The following ITFG1 variants were observed in gnomAD, a reference collection of about 807,000 sequenced individuals.
The protein encoded by ITFG1 is T-cell immunomodulatory protein.
ITFG1 carries 34 observed loss-of-function variants against 81.8 expected under a neutral mutation model. That is an observed-to-expected ratio of 0.42 (90% CI 0.32 to 0.55). The LOEUF (loss-of-function observed/expected upper bound fraction) is 0.55, where lower values mean the gene tolerates loss of function less well. ITFG1 is among the 20% of genes least tolerant of loss of function. The pLI, the probability that ITFG1 is intolerant of heterozygous loss-of-function variation, is 0.17. For synonymous variants in ITFG1, 285 were observed against 270.6 expected (o/e 1.05, Z -0.52); for missense variants, 672 against 755.4 (o/e 0.89, Z 1.29).
chr16:47,444,690 A>G (rs1263471002), intron 5 of ITFG1, among the ~76,000 whole-genome samples: 1 of 152,210 alleles, frequency 6.6e-6, no homozygotes, highest in Non-Finnish European at 1.5e-5. Context: ...CATTATAGAA[A>G]AAGATACCAA....
At chr16:47,305,970 T>G (rs1967151552) in intron 10 of ITFG1, among the ~76,000 whole-genome samples, 1 of 152,178 alleles carries the variant, frequency 6.6e-6, no homozygotes, top group Non-Finnish European at 1.5e-5. Context: ...TGTAAATAAC[T>G]GTAGCAACAA....
intron 8 of ITFG1, among the ~76,000 whole-genome samples, chr16:47,353,580 T>A (rs1256512000): frequency 6.6e-6 from 1 of 152,092 alleles, no homozygotes; most frequent in Admixed American, 6.6e-5. Flanking sequence ...TTAAAAGATA[T>A]TCAAATTGGA....
At chr16:47,305,442 G>A (rs774792616) in intron 10 of ITFG1, among the ~76,000 whole-genome samples, 1 of 151,992 alleles carries the variant, frequency 6.6e-6, no homozygotes, top group Non-Finnish European at 1.5e-5. Context: ...AGAGAGACAA[G>A]GAGGGCAGAC....
intron 10 of ITFG1, among the ~76,000 whole-genome samples, chr16:47,271,854 A>T (rs1966345191): frequency 6.6e-6 from 1 of 152,154 alleles, no homozygotes; most frequent in Admixed American, 6.5e-5. Context: ...GCGAGATTCC[A>T]TCTCAAAAAC....
intron 14 of ITFG1, among the ~76,000 whole-genome samples, chr16:47,210,899 T>C (rs1012412425): frequency 5.3e-5 from 8 of 152,186 alleles, no homozygotes; most frequent in Non-Finnish European, 1.2e-4. Flanking sequence ...ACCTATTTTA[T>C]TCTTCTTTTT....
chr16:47,391,537 C>A (rs918017927), intron 6 of ITFG1, among the ~76,000 whole-genome samples: 1 of 152,140 alleles, frequency 6.6e-6, no homozygotes, highest in African/African-American at 2.4e-5. Context: ...TCTTTCAGAT[C>A]ATCTCTGAGA....
chr16:47,361,129 C>T (rs1307055739), intron 8 of ITFG1, among the ~76,000 whole-genome samples: 1 of 152,056 alleles, frequency 6.6e-6, no homozygotes, highest in Non-Finnish European at 1.5e-5. Context: ...ACTGAAAATT[C>T]CAAGGCCCAA....
chr16:47,182,936 G>T (rs1460361637), intron 14 of ITFG1, among the ~76,000 whole-genome samples: 1 of 152,232 alleles, frequency 6.6e-6, no homozygotes, highest in Admixed American at 6.5e-5. Context: ...CGGAAGCAGG[G>T]CGAGCCATTG....
Position 47,428,849 on chromosome 16 carries a change from G to A in ITFG1, c.610C>T (p.Pro204Ser). ...ALTTTSKMRI[P>S]HSHAFIDLTE... The stretch of plus-strand genomic sequence containing the variant: ...AGATCAATAAATGCATGAGAATGTG[G>A]AATTCGCATTTTACTTGTAGTGGTC... Residue 204 changes from proline to serine, a missense_variant, in exon 6 of 18, where the codon CCA (proline) becomes TCA (serine). Around this residue, in one of 3 missense-constraint regions of ITFG1, gnomAD observed 560 missense variants for 625.7 expected, o/e 0.90. Transcript: ENST00000320640. The A allele has an allele frequency of 6.2e-7, 1 of 1,610,730 alleles. No homozygotes were observed. The highest frequency in any genetic ancestry group is 8.5e-7 in the Non-Finnish European group (1 of 1,178,462).
At chr16:47,371,019 C>T (rs1410451513) in intron 7 of ITFG1, among the ~76,000 whole-genome samples, 1 of 152,200 alleles carries the variant, frequency 6.6e-6, no homozygotes, top group Non-Finnish European at 1.5e-5. Flanking sequence ...GCATTTCTTA[C>T]TGTGATGTTC....
At chr16:47,333,448 T>G (rs1331946357) in intron 8 of ITFG1, among the ~76,000 whole-genome samples, 1 of 152,230 alleles carries the variant, frequency 6.6e-6, no homozygotes, top group Non-Finnish European at 1.5e-5. Flanking sequence ...GGTTTTTCTC[T>G]GGATTGAAGG....
chr16:47,367,693 A>T (rs1272723019), intron 7 of ITFG1, among the ~76,000 whole-genome samples: 1 of 152,152 alleles, frequency 6.6e-6, no homozygotes, highest in Non-Finnish European at 1.5e-5. Context: ...AGGAAATAAG[A>T]TTTTTCATGT....
chr16:47,336,299 G>C (rs990636296), intron 8 of ITFG1, among the ~76,000 whole-genome samples: 1 of 152,198 alleles, frequency 6.6e-6, no homozygotes, highest in Non-Finnish European at 1.5e-5. Context: ...CCAAGCAAAT[G>C]CTGAATCAAG....
chr16:47,344,005 G>C lies in ITFG1; in HGVS notation c.802+21783C>G, dbSNP rs146789131. Among the ~76,000 whole-genome samples the C allele has an allele frequency of 2.8e-3, 425 of 152,262 alleles. 2 individuals are homozygous for C. Among genetic ancestry groups the C allele is most frequent in the Non-Finnish European group, 3.2e-3 (221 of 68,002 alleles). On this transcript the variant is annotated intron_variant, in intron 8 of 17. Transcript: ENST00000320640. ...CACGGATGAACCGCAAAAACATTAT[G>C]CTAGGTGAAATAAGTCAGACACAAA... is the stretch of plus-strand genomic sequence containing the variant.
At chr16:47,157,991 A>C (rs1269703288) in intron 17 of ITFG1, among the ~76,000 whole-genome samples, 1 of 152,218 alleles carries the variant, frequency 6.6e-6, no homozygotes, top group Non-Finnish European at 1.5e-5. Context: ...AAAATCTTTT[A>C]CATATTTGGG....
At chr16:47,367,145 A>G (rs1420576085) in intron 7 of ITFG1, among the ~76,000 whole-genome samples, 1 of 152,220 alleles carries the variant, frequency 6.6e-6, no homozygotes, top group African/African-American at 2.4e-5. Context: ...AGAGGATATT[A>G]CAAAGGATAC....
intron 14 of ITFG1, among the ~76,000 whole-genome samples, chr16:47,163,301 C>T (rs768619522): frequency 2.6e-5 from 4 of 152,152 alleles, no homozygotes; most frequent in Non-Finnish European, 5.9e-5. Context: ...CTGTTTCCAA[C>T]CTGCACACTT....
intron 6 of ITFG1, among the ~76,000 whole-genome samples, chr16:47,389,422 A>T (rs1968503658): frequency 6.6e-6 from 1 of 152,214 alleles, no homozygotes. Flanking sequence ...CAAGAAGGTG[A>T]GTGGGAGCAA....
chr16:47,355,803 A>G (rs1282740575), intron 8 of ITFG1, among the ~76,000 whole-genome samples: 1 of 152,210 alleles, frequency 6.6e-6, no homozygotes, highest in Non-Finnish European at 1.5e-5. Flanking sequence ...ATAAACATAT[A>G]TTCTAGAATT....
Sources: gnomAD v4.1 joint callset for allele counts (sites outside exome capture counted in the v4.1 genomes callset) on GRCh38, gnomAD v4.1.1 for gene constraint, gnomAD v4.1.1 regional missense constraint, MANE v1.5 for transcripts, NCBI Gene and HGNC (gene_info 2026-07-23, HGNC 2026-07-21) for gene names.